Variants in SMIM3 observed in about 807,000 individuals in gnomAD.
SMIM3 encodes NGF-induced differentiation clone 67 protein.
Under a neutral mutation model 2.1 loss-of-function variants are expected in SMIM3, and 4 were observed. That is an observed-to-expected ratio of 1.89 (90% CI 0.93 to 4.31). SMIM3 has a LOEUF of 4.31. Ranked by LOEUF, SMIM3 falls within the 30% of genes most tolerant of loss-of-function variation. SMIM3 has a pLI of 0.01. For missense variants in SMIM3, 79 were observed against 77.7 expected, an observed-to-expected ratio of 1.02 and a Z score of -0.06; for synonymous variants, 29 against 30.8, an observed-to-expected ratio of 0.94 and a Z score of 0.19.
chr5:150,792,945 G>C (rs766549335), intron 1 of SMIM3, among the ~76,000 whole-genome samples: 8 of 152,058 alleles, frequency 5.3e-5, no homozygotes, highest in Non-Finnish European at 1.0e-4. Context: ...TCCAAAGTTT[G>C]AAAAGTTACA....
intron 1 of SMIM3, among the ~76,000 whole-genome samples, chr5:150,791,713 A>C (rs2113206395): frequency 6.6e-6 from 1 of 152,308 alleles, no homozygotes; most frequent in Non-Finnish European, 1.5e-5. Flanking sequence ...TGAAATAAAC[A>C]TGGGAGTGCA....
chr5:150,780,350 C>G (rs989793192), intron 1 of SMIM3, among the ~76,000 whole-genome samples: 1 of 152,172 alleles, frequency 6.6e-6, no homozygotes. Context: ...CAAAGCAGCA[C>G]AGCTGAGCTT....
At chr5:150,786,189 C>G (rs1330637935) in intron 1 of SMIM3, among the ~76,000 whole-genome samples, 1 of 152,138 alleles carries the variant, frequency 6.6e-6, no homozygotes, top group Non-Finnish European at 1.5e-5. Flanking sequence ...TACTAATTCT[C>G]TCTTTTACTA....
rs1226369930 is a variant in SMIM3, at chr5:150,796,704, C to A, written c.*1081C>A. On this transcript the variant is annotated 3_prime_UTR_variant, in exon 2 of 2. Transcript: ENST00000526627. ...TTTGATGTGATCTCATTGATGTACA[C>A]AACCAAGTTCCAATAAAGTGCTAGA... The A allele has an allele frequency of 6.6e-6, 1 of 152,350 alleles. No individual in the cohort carries two copies. The highest frequency in any genetic ancestry group is 1.5e-5 in the Non-Finnish European group (1 of 68,028). The allele number at this position is 152,350 out of a possible 1,614,324, so 9.4% of individuals were successfully genotyped here.
At chr5:150,794,774 A>C (rs1352319711) in intron 1 of SMIM3, among the ~76,000 whole-genome samples, 1 of 152,206 alleles carries the variant, frequency 6.6e-6, no homozygotes, top group African/African-American at 2.4e-5. Context: ...GGTCAAAATA[A>C]ATACCGAGCA....
intron 1 of SMIM3, among the ~76,000 whole-genome samples, chr5:150,789,031 G>A (rs1229031381): frequency 6.6e-6 from 1 of 152,162 alleles, no homozygotes; most frequent in African/African-American, 2.4e-5. Context: ...GTTTAGACCT[G>A]ATTGATGTTT....
At chr5:150,781,600 T>G (rs1043045295) in intron 1 of SMIM3, among the ~76,000 whole-genome samples, 4 of 152,212 alleles carry the variant, frequency 2.6e-5, no homozygotes, top group Non-Finnish European at 4.4e-5. Flanking sequence ...TAGGATCATA[T>G]TCAAGATTCT....
intron 1 of SMIM3, among the ~76,000 whole-genome samples, chr5:150,779,270 C>A (rs1012853611): frequency 1.3e-5 from 2 of 152,108 alleles, no homozygotes; most frequent in South Asian, 2.1e-4. Context: ...GGCTTCTCTC[C>A]GGGTCCGCTG....
At chr5:150,795,400 A>T (rs980112265) in intron 1 of SMIM3, 30 bp from the exon 2 acceptor site, 1 of 1,612,052 alleles carries the variant, frequency 6.2e-7, no homozygotes, top group African/African-American at 1.3e-5. Context: ...AGAGTACGCA[A>T]CAGTGATCTT....
intron 1 of SMIM3, among the ~76,000 whole-genome samples, chr5:150,786,442 G>A (rs1344975758): frequency 6.6e-6 from 1 of 152,000 alleles, no homozygotes; most frequent in Non-Finnish European, 1.5e-5. Flanking sequence ...TGCACACCAT[G>A]CCCATCTAAT....
At chr5:150,782,250 A>G (rs1357903084) in intron 1 of SMIM3, among the ~76,000 whole-genome samples, 1 of 152,148 alleles carries the variant, frequency 6.6e-6, no homozygotes, top group African/African-American at 2.4e-5. Flanking sequence ...CCCTGGTGAA[A>G]TGACTGTGCT....
At chr5:150,784,677 T>A (rs777995833) in intron 1 of SMIM3, among the ~76,000 whole-genome samples, 3 of 152,200 alleles carry the variant, frequency 2.0e-5, no homozygotes, top group Non-Finnish European at 4.4e-5. Context: ...ATCCTTTGAC[T>A]TTTTAACCCT....
rs1753412401 is a variant in SMIM3 at position 150,796,655 on chromosome 5, A to G, written c.*1032A>G. ...AAGATAGCACAGATATCGGGATATT[A>G]TTGTGTGAAAATGCTGCTTTTACTT... On this transcript the variant is annotated 3_prime_UTR_variant, in exon 2 of 2. Transcript: ENST00000526627. 1 of 152,390 alleles carries G rather than the reference A, an allele frequency of 6.6e-6. No homozygotes were observed. Among genetic ancestry groups the G allele is most frequent in the Admixed American group, 6.5e-5 (1 of 15,286 alleles). The allele number at this position is 152,390 out of a possible 1,614,324, so 9.4% of individuals were successfully genotyped here. A position where few individuals can be genotyped will look rare whatever the true frequency, so the allele number is the denominator to read the frequency against.
intron 1 of SMIM3, among the ~76,000 whole-genome samples, chr5:150,784,726 A>G (rs1753272394): frequency 6.6e-6 from 1 of 152,120 alleles, no homozygotes; most frequent in Non-Finnish European, 1.5e-5. Flanking sequence ...ATATATATGT[A>G]TGTGTATATT....
rs765740843 is a variant in SMIM3, at chr5:150,778,804, C to T, written c.-180C>T. The T allele has an allele frequency of 1.3e-4, 60 of 470,018 alleles. No homozygotes were observed. Among genetic ancestry groups the T allele is most frequent in the African/African-American group, 1.0e-3 (52 of 50,322 alleles). 29.1% of individuals were successfully genotyped at this position (470,018 alleles called of 1,614,324 possible). A position where few individuals can be genotyped will look rare whatever the true frequency, so the allele number is the denominator to read the frequency against. ...TCCTGGCCGCTCCTGCGCTCTCCCG[C>T]CTCCCGGGGCTCGGAGGAGCCGGGG... On this transcript the variant is annotated 5_prime_UTR_variant, in exon 1 of 2. Transcript: ENST00000526627.
rs1310670246 is a variant in SMIM3 at position 150,796,248 on chromosome 5, GT to G, written c.*627del. On this transcript the variant is annotated 3_prime_UTR_variant, in exon 2 of 2. Transcript: ENST00000526627. ...GCCATCTTTGGGCACTGCCAAGGGAGTTGGGGTGATGGGCTTCTTTCTGCAC... is the reference window on the plus strand; with the variant it reads ...GCCATCTTTGGGCACTGCCAAGGGAGTGGGGTGATGGGCTTCTTTCTGCAC... 1 of 153,270 alleles carries G rather than the reference GT, an allele frequency of 6.5e-6. No homozygotes were observed. Among genetic ancestry groups the G allele is most frequent in the African/African-American group, 2.4e-5 (1 of 41,466 alleles). The allele number at this position is 153,270 out of a possible 1,614,324, so 9.5% of individuals were successfully genotyped here.
Position 150,795,746 on chromosome 5 carries a change from G to A in SMIM3, c.*123G>A, listed in dbSNP as rs1581624218. 1.1e-5 allele frequency: 12 copies of A among 1,084,028 alleles called. No homozygotes were observed. The highest frequency in any genetic ancestry group is 1.6e-5 in the Non-Finnish European group (12 of 768,124). The allele number at this position is 1,084,028 out of a possible 1,614,324, so 67.2% of individuals were successfully genotyped here. On this transcript the variant is annotated 3_prime_UTR_variant, in exon 2 of 2. Coordinates refer to ENST00000526627, the MANE Select transcript of SMIM3 (RefSeq NM_032947.5). ...GGACCTGAGTTCTGGTTTTGATTCT[G>A]CCACGAGCCAGCTGTGTGAATTTGG...
intron 1 of SMIM3, 90 bp from the exon 2 acceptor site, chr5:150,795,340 C>T (rs371096741): frequency 6.6e-6 from 9 of 1,354,882 alleles, no homozygotes; most frequent in Non-Finnish European, 8.4e-6. Context: ...TGGTAAGTGA[C>T]CCAGGCTTCT....
At chr5:150,782,090 C>G (rs1018790070) in intron 1 of SMIM3, among the ~76,000 whole-genome samples, 2 of 152,194 alleles carry the variant, frequency 1.3e-5, no homozygotes, top group Non-Finnish European at 2.9e-5. Flanking sequence ...TTTGGAGAGA[C>G]AGGGGCCAGT....
Sources: allele counts gnomAD v4.1 joint callset (sites outside exome capture counted in the v4.1 genomes callset), GRCh38; gene constraint gnomAD v4.1.1; transcripts MANE v1.5; gene names NCBI Gene and HGNC (gene_info 2026-07-23, HGNC 2026-07-21).